NLGN1: variants seen among roughly 807,000 people sequenced by gnomAD.
NLGN1 encodes the protein neuroligin 1, also known as neuroligin-1.
NLGN1 carries 12 observed loss-of-function variants against 65.5 expected under a neutral mutation model. That is an observed-to-expected ratio of 0.18 (90% confidence interval 0.12 to 0.30). The LOEUF (loss-of-function observed/expected upper bound fraction) is 0.30. Among genes scored for constraint, NLGN1 ranks in the 10% least tolerant of loss-of-function variants. The pLI is 1.00. For missense variants in NLGN1, 750 were observed against 1,007.1 expected, an observed-to-expected ratio of 0.74 and a Z score of 3.46; for synonymous variants, 350 against 359.5, an observed-to-expected ratio of 0.97 and a Z score of 0.30.
chr3:173,505,060 G>A (rs986177006), intron 2 of NLGN1, among the ~76,000 whole-genome samples: 6 of 149,526 alleles, frequency 4.0e-5, no homozygotes, highest in Non-Finnish European at 8.9e-5. Flanking sequence ...CCTTGCCCCC[G>A]CCACACACAC....
chr3:174,262,311 G>C (rs573160448), intron 4 of NLGN1, among the ~76,000 whole-genome samples: 44 of 86,284 alleles, frequency 5.1e-4, no homozygotes, highest in African/African-American at 2.4e-3. Flanking sequence ...AATCCATCTG[G>C]TCCTGGACTC....
intron 4 of NLGN1, among the ~76,000 whole-genome samples, chr3:174,175,397 CTCT>C (rs1729257466): frequency 6.6e-6 from 1 of 151,686 alleles, no homozygotes; most frequent in African/African-American, 2.4e-5. Flanking sequence ...ACATTTTTGT[CTCT>C]TCTTATAGTT....
At chr3:174,219,500 G>A (rs2152803746) in intron 4 of NLGN1, among the ~76,000 whole-genome samples, 2 of 152,250 alleles carry the variant, frequency 1.3e-5, no homozygotes, top group Middle Eastern at 3.4e-3. Flanking sequence ...AGATCTGATT[G>A]ATAAATCTGG....
At chr3:173,963,380 C>T (rs950017813) in intron 4 of NLGN1, among the ~76,000 whole-genome samples, 5 of 152,138 alleles carry the variant, frequency 3.3e-5, no homozygotes, top group African/African-American at 9.6e-5. Flanking sequence ...TGGAGCAAAA[C>T]GCATAAGAAA....
chr3:174,190,170 T>C (rs907177022), intron 4 of NLGN1, among the ~76,000 whole-genome samples: 1 of 152,112 alleles, frequency 6.6e-6, no homozygotes, highest in Non-Finnish European at 1.5e-5. Context: ...TTAAGTAGCA[T>C]AGTGAATAAG....
intron 4 of NLGN1, among the ~76,000 whole-genome samples, chr3:174,244,832 A>C (rs576421154): frequency 6.6e-6 from 1 of 152,220 alleles, no homozygotes; most frequent in Non-Finnish European, 1.5e-5. Context: ...AATTTTTCAC[A>C]GACGACATCT....
chr3:173,597,050 A>G (rs1749599765), intron 2 of NLGN1, among the ~76,000 whole-genome samples: 2 of 152,282 alleles, frequency 1.3e-5, no homozygotes, highest in East Asian at 1.9e-4. Flanking sequence ...AATTATGACT[A>G]TTAACTAACC....
chr3:173,923,121 A>G (rs961652153), intron 4 of NLGN1, among the ~76,000 whole-genome samples: 4 of 152,070 alleles, frequency 2.6e-5, no homozygotes, highest in African/African-American at 7.2e-5. Context: ...TTCGAACTTT[A>G]TTTGACTATA....
chr3:173,470,562 C>G (rs1452480015), intron 2 of NLGN1, among the ~76,000 whole-genome samples: 2 of 152,052 alleles, frequency 1.3e-5, no homozygotes, highest in Non-Finnish European at 1.5e-5. Flanking sequence ...TGAATGTGAG[C>G]AATTTTCTTC....
At chr3:173,715,092 G>C (rs1019456919) in intron 3 of NLGN1, among the ~76,000 whole-genome samples, 1 of 152,080 alleles carries the variant, frequency 6.6e-6, no homozygotes, top group Non-Finnish European at 1.5e-5. Context: ...CATGAAAGGT[G>C]GGGGAGAGAG....
At chr3:173,527,573 A>G (rs1735863548) in intron 2 of NLGN1, among the ~76,000 whole-genome samples, 3 of 151,966 alleles carry the variant, frequency 2.0e-5, no homozygotes, top group Non-Finnish European at 2.9e-5. Context: ...AATTTTTTGT[A>G]TTTTTAGTAG....
intron 3 of NLGN1, among the ~76,000 whole-genome samples, chr3:173,651,078 G>A: frequency 6.6e-6 from 1 of 151,652 alleles, no homozygotes; most frequent in East Asian, 1.9e-4. Context: ...TCCCTCACCT[G>A]TCTCCCACCC....
intron 4 of NLGN1, among the ~76,000 whole-genome samples, chr3:174,226,176 A>C (rs1296258653): frequency 6.6e-6 from 1 of 152,162 alleles, no homozygotes; most frequent in Non-Finnish European, 1.5e-5. Flanking sequence ...AAAGCATGGA[A>C]GTTCTTTATG....
chr3:173,761,418 G>A (rs1051954958), intron 3 of NLGN1, among the ~76,000 whole-genome samples: 40 of 151,984 alleles, frequency 2.6e-4, no homozygotes, highest in African/African-American at 8.0e-4. Context: ...ACATGGAGTC[G>A]ATGGGTAAGA....
chr3:173,817,583 T>G (rs1348249825), intron 4 of NLGN1, among the ~76,000 whole-genome samples: 2 of 152,200 alleles, frequency 1.3e-5, no homozygotes, highest in African/African-American at 4.8e-5. Context: ...CTTCCTTTAT[T>G]TTGATAATGG....
At chr3:174,062,551 G>T (rs907978599) in intron 4 of NLGN1, among the ~76,000 whole-genome samples, 13 of 151,732 alleles carry the variant, frequency 8.6e-5, no homozygotes, top group African/African-American at 3.1e-4. Flanking sequence ...TGGCTTGAAC[G>T]TATTCTCTAA....
At chr3:174,186,054 A>G (rs1181792903) in intron 4 of NLGN1, among the ~76,000 whole-genome samples, 1 of 152,050 alleles carries the variant, frequency 6.6e-6, no homozygotes, top group Non-Finnish European at 1.5e-5. Flanking sequence ...GAGTGATAAG[A>G]CAGGAAATAA....
At chr3:174,038,346 G>C (rs923947898) in intron 4 of NLGN1, among the ~76,000 whole-genome samples, 1 of 152,102 alleles carries the variant, frequency 6.6e-6, no homozygotes, top group Admixed American at 6.6e-5. Flanking sequence ...ATTCGATGAG[G>C]TGTCAGTCAT....
At chr3:173,966,746 A>C (rs1310645516) in intron 4 of NLGN1, among the ~76,000 whole-genome samples, 1 of 152,106 alleles carries the variant, frequency 6.6e-6, no homozygotes, top group Admixed American at 6.6e-5. Context: ...AAATAGACAA[A>C]ATTTTTTCTT....
Sources: allele counts gnomAD v4.1 joint callset (sites outside exome capture counted in the v4.1 genomes callset), GRCh38; gene constraint gnomAD v4.1.1; transcripts MANE v1.5; gene names NCBI Gene and HGNC (gene_info 2026-07-23, HGNC 2026-07-21).